The following RNF32 variants were observed in gnomAD, a reference collection of about 807,000 sequenced individuals.
The protein encoded by RNF32 is ring finger protein 32.
In RNF32, 36 loss-of-function variants were observed where a neutral mutation model predicts 41.0. The ratio of observed to expected loss-of-function variants is 0.88; its 90% CI spans 0.67 to 1.16. RNF32 has a LOEUF of 1.16. Ranked by LOEUF, RNF32 falls within the 50% of genes most tolerant of loss-of-function variation. The pLI, the probability that RNF32 is intolerant of heterozygous loss-of-function variation, is 0.00. For synonymous variants in RNF32, 154 were observed against 160.9 expected (o/e 0.96, Z 0.32); for missense variants, 413 against 436.7 (o/e 0.95, Z 0.48).
chr7:156,643,811 G>A lies in RNF32; in HGVS notation c.-67G>A. On this transcript the variant is annotated 5_prime_UTR_variant, in exon 2 of 9. Transcript: ENST00000317955. ...ACCACGTCTTTGCAGCAGAAGAATA[G>A]AAGGAAGGTGATAGGATGTGATGAT... 7.0e-7 allele frequency: 1 copy of A among 1,429,316 alleles called. No homozygotes were observed. The highest frequency in any genetic ancestry group is 1.8e-4 in the Middle Eastern group (1 of 5,670). The allele number at this position is 1,429,316 out of a possible 1,614,324, so 88.5% of individuals were successfully genotyped here. A position where few individuals can be genotyped will look rare whatever the true frequency, so the allele number is the denominator to read the frequency against.
At chr7:156,654,486 C>A in intron 3 of RNF32, 90 bp from the exon 4 acceptor site, 1 of 1,126,098 alleles carries the variant, frequency 8.9e-7, no homozygotes, top group Non-Finnish European at 1.3e-6. Context: ...GTTCTTTAAT[C>A]TTTGTTTGCA....
chr7:156,657,268 C>T (rs905315671), intron 4 of RNF32, among the ~76,000 whole-genome samples: 4 of 152,120 alleles, frequency 2.6e-5, no homozygotes, highest in African/African-American at 7.2e-5. Context: ...TTCATTTTGT[C>T]ATTGTTTCGC....
intron 7 of RNF32, among the ~76,000 whole-genome samples, chr7:156,675,364 G>A (rs1487670786): frequency 6.6e-6 from 1 of 152,168 alleles, no homozygotes; most frequent in South Asian, 2.1e-4. Context: ...CTTTAGGGGT[G>A]GGGAGAGGTC....
At chr7:156,641,852 A>G (rs6980337) in intron 1 of RNF32, among the ~76,000 whole-genome samples, 80,538 of 152,104 alleles carry the variant, frequency 0.53, 24,094 homozygotes, top group African/African-American at 0.81. Flanking sequence ...GATGAGATAC[A>G]GGGTGGAACT....
rs372420571 is a variant in RNF32 at position 156,654,728 on chromosome 7, A to C, written c.417+10A>C. The C allele has an allele frequency of 2.2e-5, 36 of 1,612,216 alleles. No individual in the cohort carries two copies. The highest frequency in any genetic ancestry group is 2.6e-5 in the Non-Finnish European group (31 of 1,178,520). On this transcript the variant is annotated intron_variant, in intron 4 of 8. Coordinates refer to ENST00000317955, the MANE Select transcript of RNF32 (RefSeq NM_030936.4). ...CGAGCTTCGTCCTCAGGTGTTTAGC[A>C]TACGAGGGTGAGCTAGAGAGCTCCT...
At chr7:156,672,907 T>A (rs1802877043) in intron 7 of RNF32, among the ~76,000 whole-genome samples, 1 of 152,194 alleles carries the variant, frequency 6.6e-6, no homozygotes, top group Non-Finnish European at 1.5e-5. Flanking sequence ...ATGACCGTGG[T>A]TCTTAAACCT....
intron 6 of RNF32, 78 bp from the exon 7 acceptor site, chr7:156,658,384 G>A: frequency 6.6e-7 from 1 of 1,509,390 alleles, no homozygotes; most frequent in Middle Eastern, 1.7e-4. Flanking sequence ...GTACAGCACA[G>A]GGCTTATAAC....
chr7:156,676,572 G>T lies in RNF32; in HGVS notation c.1006G>T (p.Glu336Ter), dbSNP rs1348762540. 1 of 1,614,202 alleles carries T rather than the reference G, an allele frequency of 6.2e-7. No individual in the cohort carries two copies. The highest frequency in any genetic ancestry group is 8.5e-7 in the Non-Finnish European group (1 of 1,180,018). The change falls in exon 9 of 9, where the codon GAG becomes TAG. Residue 336 changes from glutamate (E) to a stop codon, truncating the protein, a stop_gained. Coordinates refer to ENST00000317955, the MANE Select transcript of RNF32 (RefSeq NM_030936.4). LOFTEE classifies it high-confidence loss of function. Reference sequence around the variant, plus strand: ...CCATGCGTGTCTGCTGGCACTAGAGGAGTTCTCCGTGGGAGACAGGCCTCC... The same window carrying T: ...CCATGCGTGTCTGCTGGCACTAGAGTAGTTCTCCGTGGGAGACAGGCCTCC... ...FHHACLLALE[E>*]FSVGDRPPFH... is the part of the protein sequence containing the mutation.
chr7:156,649,617 CATT>C (rs1440278203), intron 3 of RNF32, among the ~76,000 whole-genome samples: 3 of 152,218 alleles, frequency 2.0e-5, no homozygotes, highest in East Asian at 3.9e-4. Context: ...TTTTTAAACT[CATT>C]AATAGGTGTA....
At chr7:156,666,393 G>A (rs1484735398) in intron 7 of RNF32, among the ~76,000 whole-genome samples, 2 of 152,212 alleles carry the variant, frequency 1.3e-5, no homozygotes, top group Non-Finnish European at 2.9e-5. Context: ...CTGTGAAGAG[G>A]AATGCTTGCA....
At chr7:156,657,896 G>C (rs1799969479) in intron 5 of RNF32, among the ~76,000 whole-genome samples, 1 of 152,196 alleles carries the variant, frequency 6.6e-6, no homozygotes, top group Non-Finnish European at 1.5e-5. Context: ...GTGGATTTCA[G>C]AAGTTTTTGA....
At chr7:156,674,522 C>CACCT (rs1803356364) in intron 7 of RNF32, among the ~76,000 whole-genome samples, 1 of 152,178 alleles carries the variant, frequency 6.6e-6, no homozygotes, top group Non-Finnish European at 1.5e-5. Flanking sequence ...CTGAATGAGC[C>CACCT]ACCTACCCGT....
Position 156,674,323 on chromosome 7 carries a change from G to A in RNF32, c.685-1373G>A, listed in dbSNP as rs557207056. 1.2e-4 allele frequency among the ~76,000 whole-genome samples: 19 copies of A among 152,316 alleles called. No homozygotes were observed. In the East Asian group the frequency reaches 2.3e-3, roughly 19 times the overall value. On this transcript the variant is annotated intron_variant, in intron 7 of 8. Transcript: ENST00000317955. ...CGTCCATCTGGAAGAACTACTTCAC[G>A]TGGCCCCACCTGGGCATGGGGGAAT...
intron 7 of RNF32, among the ~76,000 whole-genome samples, chr7:156,666,446 T>A (rs2131583677): frequency 6.6e-6 from 1 of 152,334 alleles, no homozygotes; most frequent in Non-Finnish European, 1.5e-5. Flanking sequence ...TGCTCTAAGA[T>A]GTCACTGACA....
At chr7:156,659,135 A>C (rs1278930949) in intron 7 of RNF32, 1 of 1,340,770 alleles carries the variant, frequency 7.5e-7, no homozygotes, top group Non-Finnish European at 9.5e-7. Context: ...CCCCATATGA[A>C]AAGGACAGTC....
At chr7:156,655,990 T>C (rs1025220851) in intron 4 of RNF32, among the ~76,000 whole-genome samples, 1 of 152,252 alleles carries the variant, frequency 6.6e-6, no homozygotes, top group African/African-American at 2.4e-5. Flanking sequence ...TAAATTCCAT[T>C]ATTTTTACTT....
At chr7:156,673,918 A>AAG (rs1554451268) in intron 7 of RNF32, among the ~76,000 whole-genome samples, 2 of 129,906 alleles carry the variant, frequency 1.5e-5, no homozygotes, top group African/African-American at 3.3e-5. Context: ...AAAAAAAAAA[A>AAG]AAAAGAAAAA....
chr7:156,646,067 C>T (rs1797938378), intron 3 of RNF32, among the ~76,000 whole-genome samples: 1 of 152,208 alleles, frequency 6.6e-6, no homozygotes, highest in Non-Finnish European at 1.5e-5. Context: ...CACATTCTTA[C>T]TGTGTATGGT....
chr7:156,660,602 G>T (rs1331100498), intron 7 of RNF32, among the ~76,000 whole-genome samples: 1 of 152,166 alleles, frequency 6.6e-6, no homozygotes, highest in Non-Finnish European at 1.5e-5. Context: ...TCCCACCTCA[G>T]CCTCCCAGTT....
Sources: gnomAD v4.1 joint callset for allele counts (sites outside exome capture counted in the v4.1 genomes callset) on GRCh38, gnomAD v4.1.1 for gene constraint, MANE v1.5 for transcripts, NCBI Gene and HGNC (gene_info 2026-07-23, HGNC 2026-07-21) for gene names.